PDE10A: variants seen among roughly 807,000 people sequenced by gnomAD.
PDE10A encodes cAMP and cAMP-inhibited cGMP 3',5'-cyclic phosphodiesterase 10A.
Under a neutral mutation model 97.7 loss-of-function variants are expected in PDE10A, and 39 were observed. The observed-to-expected ratio is 0.40, with a 90% CI of 0.31 to 0.52. The LOEUF is 0.52. PDE10A is among the 20% of genes least tolerant of loss of function. PDE10A has a pLI of 0.56. For synonymous variants in PDE10A, 371 were observed against 376.8 expected, an observed-to-expected ratio of 0.98 and a Z score of 0.18; for missense variants, 731 against 1,047.8, an observed-to-expected ratio of 0.70 and a Z score of 4.17.
At chr6:165,820,896 G>A (rs1779551066) in intron 1 of PDE10A, among the ~76,000 whole-genome samples, 1 of 152,224 alleles carries the variant, frequency 6.6e-6, no homozygotes, top group African/African-American at 2.4e-5. Context: ...ACACATATTT[G>A]AAGAGATAGT....
intron 1 of PDE10A, among the ~76,000 whole-genome samples, chr6:165,955,914 C>G (rs539039335): frequency 2.8e-4 from 43 of 152,278 alleles, no homozygotes; most frequent in African/African-American, 9.9e-4. Flanking sequence ...ATTCCTAAAG[C>G]TATACAGAAG....
At chr6:165,691,106 T>TTTCTTC (rs1554305963) in intron 1 of PDE10A, among the ~76,000 whole-genome samples, 1 of 39,094 alleles carries the variant, frequency 2.6e-5, no homozygotes, top group African/African-American at 1.1e-4. Context: ...TCTTTCTCTC[T>TTTCTTC]CCCCCCCCCC....
chr6:165,606,639 T>C (rs1285024348), intron 1 of PDE10A, among the ~76,000 whole-genome samples: 1 of 152,102 alleles, frequency 6.6e-6, no homozygotes, highest in African/African-American at 2.4e-5. Context: ...CTAATGACTA[T>C]AGTGGGAACA....
chr6:165,607,486 T>C (rs1235704962), intron 1 of PDE10A, among the ~76,000 whole-genome samples: 4 of 152,168 alleles, frequency 2.6e-5, no homozygotes, highest in African/African-American at 9.7e-5. Context: ...CTAGGAGCAG[T>C]AGGCCACACA....
chr6:165,856,004 T>C (rs930267765), intron 1 of PDE10A, among the ~76,000 whole-genome samples: 2 of 152,182 alleles, frequency 1.3e-5, no homozygotes, highest in Non-Finnish European at 1.5e-5. Context: ...AAACTTTCTT[T>C]ACTTCATGAC....
chr6:165,636,161 C>CT (rs1466137334), intron 1 of PDE10A, among the ~76,000 whole-genome samples: 1 of 152,188 alleles, frequency 6.6e-6, no homozygotes, highest in East Asian at 1.9e-4. Context: ...TGCATATTAT[C>CT]AAAGGAATCC....
chr6:165,619,336 A>AGTGCG (rs1168973804), intron 1 of PDE10A, among the ~76,000 whole-genome samples: 5 of 131,816 alleles, frequency 3.8e-5, no homozygotes, highest in African/African-American at 2.2e-4. Flanking sequence ...AGTGTAGTGT[A>AGTGCG]GTGTAGTCTA....
intron 1 of PDE10A, among the ~76,000 whole-genome samples, chr6:165,683,151 G>C (rs1791022365): frequency 6.6e-6 from 1 of 152,200 alleles, no homozygotes; most frequent in Admixed American, 6.5e-5. Context: ...AAGAGGGAGA[G>C]AATAATTCAA....
At chr6:165,953,994 A>G (rs571854333) in intron 1 of PDE10A, among the ~76,000 whole-genome samples, 7 of 152,214 alleles carry the variant, frequency 4.6e-5, no homozygotes, top group Non-Finnish European at 8.8e-5. Context: ...CCAGAAACCA[A>G]TATAGCTGGA....
chr6:165,735,105 C>T (rs1792538716), intron 1 of PDE10A, among the ~76,000 whole-genome samples: 2 of 147,222 alleles, frequency 1.4e-5, no homozygotes, highest in Admixed American at 6.7e-5. Flanking sequence ...GATAGGTAGG[C>T]AGGTTGGTAG....
intron 1 of PDE10A, among the ~76,000 whole-genome samples, chr6:165,635,719 A>T (rs1435716442): frequency 2.6e-5 from 4 of 152,222 alleles, no homozygotes; most frequent in African/African-American, 9.6e-5. Context: ...ACCTACACAA[A>T]TCAATAGACT....
intron 1 of PDE10A, among the ~76,000 whole-genome samples, chr6:165,877,248 C>T (rs1781366151): frequency 1.3e-5 from 2 of 152,296 alleles, no homozygotes; most frequent in South Asian, 4.1e-4. Flanking sequence ...TGGTTTTGCT[C>T]TCGTGATAAA....
At chr6:165,478,895 A>AT (rs1348228737) in intron 3 of PDE10A, among the ~76,000 whole-genome samples, 1 of 152,140 alleles carries the variant, frequency 6.6e-6, no homozygotes, top group African/African-American at 2.4e-5. Flanking sequence ...CCATCAGAAA[A>AT]TTTTTGAATC....
In PDE10A at chr6:165,952,433, C is replaced by T. The variant is rs552341164; in HGVS notation, c.-615+35096G>A. Among the ~76,000 whole-genome samples, 3 of 152,312 alleles carry T rather than the reference C, an allele frequency of 2.0e-5. No homozygotes were observed. In the South Asian group the frequency reaches 6.2e-4, roughly 32 times the overall value. Reference sequence around the variant, plus strand: ...ACAGGAACCTGTTATGTTGTATGGTCTGTGGGAAAAACACCAGAAAATGAC... The same window carrying T: ...ACAGGAACCTGTTATGTTGTATGGTTTGTGGGAAAAACACCAGAAAATGAC... On this transcript the variant is annotated intron_variant, in intron 1 of 19. Transcript: ENST00000366882.
At chr6:165,789,850 C>T (rs190511578) in intron 1 of PDE10A, among the ~76,000 whole-genome samples, 3 of 152,190 alleles carry the variant, frequency 2.0e-5, no homozygotes, top group Admixed American at 6.5e-5. Context: ...ATATGGTTTA[C>T]TCATGGTCAC....
Position 165,661,863 on chromosome 6 carries a change from C to CCA in PDE10A, c.865+82_865+83dup. On this transcript the variant is annotated intron_variant, in intron 1 of 21. Coordinates refer to ENST00000539869, the MANE Select transcript of PDE10A (RefSeq NM_001385079.1). This position sits in a 1 kb window ranked among gnomAD's most constrained non-coding sequence, Gnocchi z 4.8. ...GGGCACCTCGCTCGACACCCGCTTCCCACCCAGCAGTCCAAGCCCCCCACC... is the reference window on the plus strand; with the variant it reads ...GGGCACCTCGCTCGACACCCGCTTCCCACACCCAGCAGTCCAAGCCCCCCACC... 1 of 681,026 alleles carries CCA rather than the reference C, an allele frequency of 1.5e-6. No individual in the cohort carries two copies. The highest frequency in any genetic ancestry group is 3.3e-5 in the East Asian group (1 of 30,300). 42.2% of individuals were successfully genotyped at this position (681,026 alleles called of 1,614,324 possible).
At chr6:165,340,755 G>A (rs1320083353) in intron 19 of PDE10A, among the ~76,000 whole-genome samples, 1 of 152,220 alleles carries the variant, frequency 6.6e-6, no homozygotes. Flanking sequence ...AGAGACTGCA[G>A]GGAACAAAGA....
chr6:165,659,410 T>A (rs1233325577), intron 1 of PDE10A, among the ~76,000 whole-genome samples: 1 of 152,220 alleles, frequency 6.6e-6, no homozygotes, highest in Non-Finnish European at 1.5e-5. Context: ...CAGAAAAATC[T>A]GTCAAACTTC....
intron 2 of PDE10A, among the ~76,000 whole-genome samples, chr6:165,538,259 C>A (rs1450653258): frequency 6.6e-6 from 1 of 151,854 alleles, no homozygotes; most frequent in African/African-American, 2.4e-5. Flanking sequence ...AAAAAGAAAA[C>A]TTCAATTATT....
Sources: allele counts gnomAD v4.1 joint callset (sites outside exome capture counted in the v4.1 genomes callset), GRCh38; gene constraint gnomAD v4.1.1; non-coding constraint Gnocchi (gnomAD v3.1); transcripts MANE v1.5; gene names NCBI Gene and HGNC (gene_info 2026-07-23, HGNC 2026-07-21).